The following QTGAL variants were observed in gnomAD, a reference collection of about 807,000 sequenced individuals.
QTGAL encodes queuosine-tRNA galactosyltransferase.
At chr17:82,968,470 C>T in the QTGAL span, among the ~76,000 whole-genome samples, 30,119 of 71,402 alleles carry the variant, frequency 0.42, 5,800 homozygotes, top group South Asian at 0.49. Flanking sequence ...CCAGTGTGCA[C>T]GGTGCACAGA....
At chr17:82,971,266 C>A in the QTGAL span, among the ~76,000 whole-genome samples, 1 of 152,188 alleles carries the variant, frequency 6.6e-6, no homozygotes, top group Non-Finnish European at 1.5e-5. Flanking sequence ...TCTTTAGTGA[C>A]AACGATCCAG....
the QTGAL span, chr17:83,048,803 T>A: frequency 6.3e-7 from 1 of 1,596,898 alleles, no homozygotes. Context: ...TCAAAAGAAA[T>A]GGATTAACAG....
the QTGAL span, among the ~76,000 whole-genome samples, chr17:83,019,403 A>C: frequency 6.6e-6 from 1 of 152,250 alleles, no homozygotes; most frequent in Non-Finnish European, 1.5e-5. Context: ...AATCTATGCA[A>C]GTTGTATTTA....
chr17:82,989,584 T>C, the QTGAL span, among the ~76,000 whole-genome samples: 2 of 151,786 alleles, frequency 1.3e-5, no homozygotes, highest in East Asian at 1.9e-4. Context: ...CTTTCATAAA[T>C]GCAGATGTAC....
At chr17:82,957,366 TG>T in the QTGAL span, 3 of 1,613,258 alleles carry the variant, frequency 1.9e-6, no homozygotes, top group East Asian at 4.5e-5. Context: ...CACCTTGCGC[TG>T]GCTGCCGGCA....
At chr17:83,008,339 C>T in the QTGAL span, among the ~76,000 whole-genome samples, 7 of 152,354 alleles carry the variant, frequency 4.6e-5, no homozygotes, top group East Asian at 9.6e-4. Context: ...GAGCAGAAAG[C>T]GCAGGCCGCT....
chr17:82,950,071 A>G, the QTGAL span: 2 of 150,420 alleles, frequency 1.3e-5, no homozygotes, highest in African/African-American at 4.9e-5. Flanking sequence ...CTTCACACGG[A>G]ATAACCTCCA....
the QTGAL span, among the ~76,000 whole-genome samples, chr17:82,989,516 A>G: frequency 7.0e-6 from 1 of 141,848 alleles, no homozygotes; most frequent in African/African-American, 2.6e-5. Context: ...AAAAAAAAAA[A>G]GATGGTTACC....
At chr17:82,981,705 C>A in the QTGAL span, 125,795 of 152,024 alleles carry the variant, frequency 0.83, 52,559 homozygotes, top group African/African-American at 0.95. Context: ...GCCGTCCTCA[C>A]ACGTGGCCCA....
At chr17:82,973,048 T>C in the QTGAL span, among the ~76,000 whole-genome samples, 2 of 152,212 alleles carry the variant, frequency 1.3e-5, no homozygotes, top group African/African-American at 4.8e-5. Context: ...GATGCCTTCG[T>C]GTGCTCCCGC....
At chr17:83,010,791 C>T in the QTGAL span, among the ~76,000 whole-genome samples, 2 of 152,198 alleles carry the variant, frequency 1.3e-5, no homozygotes, top group African/African-American at 2.4e-5. Context: ...CGGGGAACGG[C>T]GCCCAGGATG....
chr17:83,020,788 C>T, the QTGAL span, among the ~76,000 whole-genome samples: 6 of 152,344 alleles, frequency 3.9e-5, no homozygotes, highest in Middle Eastern at 3.4e-3. Flanking sequence ...GAAGGAAACA[C>T]GGGGTTCAGG....
chr17:83,019,907 C>T, the QTGAL span, among the ~76,000 whole-genome samples: 1 of 152,060 alleles, frequency 6.6e-6, no homozygotes, highest in Non-Finnish European at 1.5e-5. Flanking sequence ...CTAATTTTCA[C>T]ATTTTTAGTA....
chr17:83,006,647 C>T, the QTGAL span: 1 of 984,872 alleles, frequency 1.0e-6, no homozygotes, highest in Non-Finnish European at 1.2e-6. The surrounding 1 kb of genome is among the most constrained non-coding windows in gnomAD (Gnocchi z 5.8). Flanking sequence ...TATCCCGACG[C>T]CGTGGCTGTG....
chr17:82,990,694 T>C, the QTGAL span, among the ~76,000 whole-genome samples: 6 of 152,346 alleles, frequency 3.9e-5, no homozygotes, highest in East Asian at 1.2e-3. Context: ...GCACTGGAGA[T>C]TCTGTCTTCC....
chr17:83,040,018 G>C, the QTGAL span, among the ~76,000 whole-genome samples: 5 of 152,320 alleles, frequency 3.3e-5, no homozygotes, highest in South Asian at 1.0e-3. Flanking sequence ...ATACGTCATA[G>C]CTGTAAGACT....
At chr17:82,944,310 T>A in the QTGAL span, 1 of 152,178 alleles carries the variant, frequency 6.6e-6, no homozygotes. Flanking sequence ...GCACTTGTGC[T>A]CACCAGACAC....
At chr17:83,039,486 G>A in the QTGAL span, among the ~76,000 whole-genome samples, 1 of 112,850 alleles carries the variant, frequency 8.9e-6, no homozygotes, top group Non-Finnish European at 1.9e-5. Flanking sequence ...CCCGCCGCCC[G>A]CCCCTGTTCT....
At chr17:82,980,280 C>G in the QTGAL span, among the ~76,000 whole-genome samples, 1 of 152,086 alleles carries the variant, frequency 6.6e-6, no homozygotes, top group African/African-American at 2.4e-5. Flanking sequence ...AAGGGAAGCC[C>G]CCACGTAGAA....
Sources: gnomAD v4.1 joint callset for allele counts (sites outside exome capture counted in the v4.1 genomes callset) on GRCh38, gnomAD v4.1.1 for gene constraint, Gnocchi (gnomAD v3.1) non-coding constraint, MANE v1.5 for transcripts, NCBI Gene and HGNC (gene_info 2026-07-23, HGNC 2026-07-21) for gene names.